Variants in RBFOX1 observed in about 807,000 individuals in gnomAD.
RBFOX1 encodes the protein RNA binding protein fox-1 homolog 1.
RBFOX1 carries 8 observed loss-of-function variants against 57.7 expected under a neutral mutation model. The observed-to-expected ratio is 0.14, with a 90% CI of 0.08 to 0.25. The LOEUF is 0.25. Ranked by LOEUF, RBFOX1 falls within the 10% of genes least tolerant of loss-of-function variation. The pLI is 1.00. For synonymous variants in RBFOX1, 326 were observed against 222.4 expected, an observed-to-expected ratio of 1.47 and a Z score of -4.15; for missense variants, 611 against 548.5, an observed-to-expected ratio of 1.11 and a Z score of -1.14.
intron 3 of RBFOX1, among the ~76,000 whole-genome samples, chr16:5,679,850 T>G (rs984363007): frequency 2.0e-5 from 3 of 152,204 alleles, no homozygotes; most frequent in Admixed American, 2.0e-4. Flanking sequence ...GGAGTTGTAG[T>G]GAGGCTTATA....
chr16:6,458,692 G>A lies in RBFOX1; in HGVS notation c.-64+141635G>A, dbSNP rs559786223. On this transcript the variant is annotated intron_variant, in intron 2 of 15. Transcript: ENST00000550418. ...CAAACCACAGGGAAAACAAGGTAAA[G>A]TGGCCAGTGCTATGCTCATTTGACC... is the stretch of plus-strand genomic sequence containing the variant. 2.2e-4 allele frequency among the ~76,000 whole-genome samples: 34 copies of A among 152,348 alleles called. No individual in the cohort carries two copies. In the South Asian group the frequency reaches 6.8e-3, roughly 31 times the overall value.
chr16:6,649,687 C>T (rs2098563132), intron 2 of RBFOX1, among the ~76,000 whole-genome samples: 1 of 152,080 alleles, frequency 6.6e-6, no homozygotes, highest in African/African-American at 2.4e-5. Context: ...GCTGTGAATG[C>T]CATTATTTCA....
chr16:5,701,743 G>A (rs1286135501), intron 3 of RBFOX1, among the ~76,000 whole-genome samples: 1 of 152,128 alleles, frequency 6.6e-6, no homozygotes, highest in Non-Finnish European at 1.5e-5. Context: ...CAAGGTGGAG[G>A]ACCTTTGATG....
At chr16:6,499,798 C>G (rs996853993) in intron 2 of RBFOX1, among the ~76,000 whole-genome samples, 1 of 152,080 alleles carries the variant, frequency 6.6e-6, no homozygotes, top group South Asian at 2.1e-4. Flanking sequence ...TCCCAGTCTC[C>G]AGTCATTAGG....
intron 4 of RBFOX1, among the ~76,000 whole-genome samples, chr16:7,337,758 C>T (rs1728493399): frequency 1.3e-5 from 2 of 152,202 alleles, no homozygotes; most frequent in African/African-American, 4.8e-5. Context: ...AATCTCGGCT[C>T]ATTGCAACCT....
intron 3 of RBFOX1, among the ~76,000 whole-genome samples, chr16:5,774,422 G>C: frequency 6.6e-6 from 1 of 152,202 alleles, no homozygotes; most frequent in East Asian, 1.9e-4. Flanking sequence ...TATTTTCACA[G>C]AGGCAGTATT....
At chr16:6,609,319 G>A (rs938851987) in intron 2 of RBFOX1, among the ~76,000 whole-genome samples, 14 of 152,036 alleles carry the variant, frequency 9.2e-5, no homozygotes, top group African/African-American at 3.4e-4. Context: ...AGAGGTTGAC[G>A]TGGAAAATGA....
intron 2 of RBFOX1, among the ~76,000 whole-genome samples, chr16:6,423,235 G>C (rs774865191): frequency 6.6e-6 from 1 of 152,102 alleles, no homozygotes; most frequent in African/African-American, 2.4e-5. Context: ...CATTTTGTTC[G>C]GCCTTCCGCA....
intron 4 of RBFOX1, among the ~76,000 whole-genome samples, chr16:5,892,247 A>G (rs1398237922): frequency 6.6e-6 from 1 of 152,146 alleles, no homozygotes. Context: ...GTTTGAGAAG[A>G]GACTTGGCGG....
chr16:5,917,237 AG>A (rs1289138069), intron 4 of RBFOX1, among the ~76,000 whole-genome samples: 1 of 152,184 alleles, frequency 6.6e-6, no homozygotes, highest in Non-Finnish European at 1.5e-5. Flanking sequence ...GACTTGCTAA[AG>A]GGCTCCAGTG....
intron 4 of RBFOX1, among the ~76,000 whole-genome samples, chr16:7,499,569 A>G (rs890285381): frequency 6.6e-6 from 1 of 152,236 alleles, no homozygotes; most frequent in African/African-American, 2.4e-5. Flanking sequence ...ATTTTTGGCT[A>G]CATTGACTGG....
chr16:5,343,813 G>A (rs918855640), intron 1 of RBFOX1, among the ~76,000 whole-genome samples: 11 of 152,080 alleles, frequency 7.2e-5, no homozygotes, highest in Non-Finnish European at 1.5e-4. Flanking sequence ...TGATATGATG[G>A]CACCTGTATT....
chr16:5,368,205 G>A (rs949092267), intron 1 of RBFOX1, among the ~76,000 whole-genome samples: 4 of 152,150 alleles, frequency 2.6e-5, no homozygotes, highest in East Asian at 3.9e-4. Context: ...CTGCTCATGT[G>A]GTTATCTTGA....
chr16:7,409,859 T>G (rs2098405087), intron 4 of RBFOX1, among the ~76,000 whole-genome samples: 1 of 152,268 alleles, frequency 6.6e-6, no homozygotes, highest in East Asian at 1.9e-4. Context: ...GGCTGGGCAA[T>G]GAAGAAATTG....
At chr16:7,695,649 C>CAAAAAA (rs34363093) in intron 14 of RBFOX1, among the ~76,000 whole-genome samples, 12 of 98,358 alleles carry the variant, frequency 1.2e-4, no homozygotes, top group African/African-American at 2.5e-4. Flanking sequence ...AAGCCTCCAT[C>CAAAAAA]AAAAAAAAAA....
At chr16:7,236,451 T>G (rs566544699) in intron 4 of RBFOX1, among the ~76,000 whole-genome samples, 1 of 152,158 alleles carries the variant, frequency 6.6e-6, no homozygotes, top group African/African-American at 2.4e-5. Context: ...TCCGCTGTCA[T>G]GCAATCTGGC....
chr16:6,078,324 G>A (rs2095941580), intron 1 of RBFOX1, among the ~76,000 whole-genome samples: 2 of 152,290 alleles, frequency 1.3e-5, no homozygotes, highest in African/African-American at 4.8e-5. Context: ...GTCCCCCACA[G>A]GGTGCATGTG....
intron 3 of RBFOX1, among the ~76,000 whole-genome samples, chr16:6,822,544 C>T (rs1348312463): frequency 2.0e-5 from 3 of 152,206 alleles, no homozygotes; most frequent in African/African-American, 4.8e-5. Flanking sequence ...AGAGATAAAA[C>T]ATGTCTTGCC....
At chr16:5,629,823 T>G (rs924089804) in intron 3 of RBFOX1, among the ~76,000 whole-genome samples, 4 of 152,094 alleles carry the variant, frequency 2.6e-5, no homozygotes, top group African/African-American at 9.7e-5. Flanking sequence ...AGGTTTGGAG[T>G]CCATTAGCAC....
Sources: allele counts gnomAD v4.1 joint callset (sites outside exome capture counted in the v4.1 genomes callset), GRCh38; gene constraint gnomAD v4.1.1; transcripts MANE v1.5; gene names NCBI Gene and HGNC (gene_info 2026-07-23, HGNC 2026-07-21).